RAB38: variants seen among roughly 807,000 people sequenced by gnomAD.
The protein encoded by RAB38 is ras-related protein Rab-38.
A neutral mutation model predicts 18.4 loss-of-function variants in RAB38; 15 were observed. That is an observed-to-expected ratio of 0.82 (90% confidence interval 0.55 to 1.26). The LOEUF (loss-of-function observed/expected upper bound fraction) is 1.26, where lower values mean the gene tolerates loss of function less well. RAB38 is among the 50% of genes most tolerant of loss of function. The pLI, the probability that RAB38 is intolerant of heterozygous loss-of-function variation, is 0.00. For synonymous variants in RAB38, 101 were observed against 104.4 expected, an observed-to-expected ratio of 0.97 and a Z score of 0.20; for missense variants, 294 against 267.4, an observed-to-expected ratio of 1.10 and a Z score of -0.69.
At chr11:88,106,188 G>GA in the RAB38 span, among the ~76,000 whole-genome samples, 2,835 of 151,548 alleles carry the variant, frequency 0.019, 90 homozygotes, top group African/African-American at 0.062. Context: ...ATCACAGAGA[G>GA]AAAAAAAAGA....
chr11:87,880,557 CACTG>C, the RAB38 span, among the ~76,000 whole-genome samples: 1 of 151,784 alleles, frequency 6.6e-6, no homozygotes, highest in South Asian at 2.1e-4. Flanking sequence ...GCCTAGAATA[CACTG>C]ACTAATACAC....
chr11:88,029,104 C>G, the RAB38 span, among the ~76,000 whole-genome samples: 12 of 151,864 alleles, frequency 7.9e-5, no homozygotes, highest in East Asian at 2.1e-3. Context: ...AATTTTCAAC[C>G]CAGAATTTCA....
chr11:87,820,824 G>A, the RAB38 span, among the ~76,000 whole-genome samples: 1 of 152,164 alleles, frequency 6.6e-6, no homozygotes, highest in Non-Finnish European at 1.5e-5. Context: ...ATAAGGAATA[G>A]AATCAGTGAC....
chr11:87,961,432 C>G, the RAB38 span, among the ~76,000 whole-genome samples: 1 of 152,140 alleles, frequency 6.6e-6, no homozygotes, highest in African/African-American at 2.4e-5. Context: ...GTATTTTCTA[C>G]AGAGTATCAC....
chr11:87,876,470 T>C, the RAB38 span, among the ~76,000 whole-genome samples: 4 of 151,570 alleles, frequency 2.6e-5, no homozygotes, highest in Admixed American at 6.6e-5. Context: ...TGGCTTCTCC[T>C]CAGCAAATCC....
the RAB38 span, among the ~76,000 whole-genome samples, chr11:87,847,421 A>C: frequency 6.6e-6 from 1 of 152,264 alleles, no homozygotes; most frequent in Middle Eastern, 3.4e-3. Context: ...TTAAGACATA[A>C]CTTATAAAAA....
the RAB38 span, among the ~76,000 whole-genome samples, chr11:87,852,201 A>G: frequency 1.3e-5 from 2 of 152,064 alleles, no homozygotes; most frequent in African/African-American, 4.8e-5. Context: ...TTTATGACCT[A>G]CTTCAGGGAA....
At chr11:87,864,633 A>T in the RAB38 span, among the ~76,000 whole-genome samples, 1 of 151,876 alleles carries the variant, frequency 6.6e-6, no homozygotes, top group Admixed American at 6.6e-5. Flanking sequence ...GGCTCAAAAA[A>T]ATAAAATAAT....
chr11:87,900,373 G>A, the RAB38 span, among the ~76,000 whole-genome samples: 2 of 151,586 alleles, frequency 1.3e-5, no homozygotes, highest in Admixed American at 6.6e-5. Context: ...ATACCTCTCA[G>A]GTGGATAGGG....
chr11:87,903,520 G>A, the RAB38 span, among the ~76,000 whole-genome samples: 178 of 151,582 alleles, frequency 1.2e-3, 1 homozygote, highest in African/African-American at 4.0e-3. Flanking sequence ...TCTCTTGTGT[G>A]TTTGTATTGT....
At chr11:88,043,930 T>G in the RAB38 span, among the ~76,000 whole-genome samples, 1 of 152,142 alleles carries the variant, frequency 6.6e-6, no homozygotes, top group African/African-American at 2.4e-5. Flanking sequence ...CCAAGGAACA[T>G]CTCACCAATT....
the RAB38 span, among the ~76,000 whole-genome samples, chr11:88,045,093 C>T: frequency 2.0e-5 from 3 of 152,170 alleles, no homozygotes; most frequent in Admixed American, 1.3e-4. Context: ...ATATAAAAAC[C>T]CAGCCCAGTT....
At chr11:87,807,229 G>T in the RAB38 span, among the ~76,000 whole-genome samples, 1 of 152,208 alleles carries the variant, frequency 6.6e-6, no homozygotes, top group Non-Finnish European at 1.5e-5. Context: ...TGCCGAAAAG[G>T]TTGGGGACTG....
the RAB38 span, among the ~76,000 whole-genome samples, chr11:88,026,681 T>G: frequency 7.9e-5 from 12 of 152,178 alleles, no homozygotes; most frequent in Non-Finnish European, 1.5e-4. Context: ...CCCGGCCGTT[T>G]TCTTCTAAAA....
At chr11:88,067,053 T>C in the RAB38 span, among the ~76,000 whole-genome samples, 1 of 152,214 alleles carries the variant, frequency 6.6e-6, no homozygotes, top group African/African-American at 2.4e-5. Context: ...ATTTAATAAG[T>C]ACTAAAAATG....
chr11:87,916,043 A>C, the RAB38 span, among the ~76,000 whole-genome samples: 1 of 152,124 alleles, frequency 6.6e-6, no homozygotes, highest in African/African-American at 2.4e-5. Context: ...CTGTCTCACA[A>C]TTGTGTCTTG....
the RAB38 span, among the ~76,000 whole-genome samples, chr11:88,057,933 T>C: frequency 6.6e-6 from 1 of 152,002 alleles, no homozygotes; most frequent in Admixed American, 6.6e-5. Flanking sequence ...TCCTCACAAA[T>C]GAAAAAAAAT....
chr11:88,076,375 T>G, the RAB38 span, among the ~76,000 whole-genome samples: 1 of 152,122 alleles, frequency 6.6e-6, no homozygotes, highest in East Asian at 1.9e-4. Context: ...AAGACAAAGA[T>G]ACCTACTTTC....
chr11:87,833,128 C>G, the RAB38 span, among the ~76,000 whole-genome samples: 11 of 152,176 alleles, frequency 7.2e-5, no homozygotes, highest in Non-Finnish European at 1.5e-4. Context: ...GAGTGATCCT[C>G]TAAAATGTGT....
Sources: allele counts gnomAD v4.1 joint callset (sites outside exome capture counted in the v4.1 genomes callset), GRCh38; gene constraint gnomAD v4.1.1; transcripts MANE v1.5; gene names NCBI Gene and HGNC (gene_info 2026-07-23, HGNC 2026-07-21).